Variants in ARHGEF11 observed in about 807,000 individuals in gnomAD.
The protein encoded by ARHGEF11 is Rho guanine exchange factor (GEF) 11.
ARHGEF11 carries 55 observed loss-of-function variants against 193.7 expected under a neutral mutation model. That is an observed-to-expected ratio of 0.28 (90% CI 0.23 to 0.36). The LOEUF is 0.36. Ranked by LOEUF, ARHGEF11 falls within the 10% of genes least tolerant of loss-of-function variation. ARHGEF11 has a pLI of 1.00. For missense variants in ARHGEF11, 1,723 were observed against 2,005.6 expected, an observed-to-expected ratio of 0.86 and a Z score of 2.69; for synonymous variants, 693 against 768.0, an observed-to-expected ratio of 0.90 and a Z score of 1.62.
chr1:156,955,799 TCTG>T lies in ARHGEF11; in HGVS notation c.1672-3_1672-1del. On this transcript the variant is annotated splice_acceptor_variant and splice_polypyrimidine_tract_variant and intron_variant, in intron 19 of 40. Coordinates refer to ENST00000368194, the MANE Select transcript of ARHGEF11 (RefSeq NM_198236.3). LOFTEE classifies it high-confidence loss of function. ...TCCTTTTCTTTCTTGGAATTGCTGC[TCTG>T]CTGAGACAGGAGACACTGGTGTTTG... is the stretch of plus-strand genomic sequence containing the variant. The T allele has an allele frequency of 6.2e-7, 1 of 1,613,530 alleles. No homozygotes were observed. The highest frequency in any genetic ancestry group is 8.5e-7 in the Non-Finnish European group (1 of 1,179,544).
Position 156,951,396 on chromosome 1 carries a change from C to T in ARHGEF11, c.1925+177G>A, listed in dbSNP as rs551692921. 3.3e-5 allele frequency among the ~76,000 whole-genome samples: 5 copies of T among 152,264 alleles called. No homozygotes were observed. The South Asian group carries it at 1.0e-3, about 32-fold the overall frequency. ...GGGATCTGCTTGCTCTTCCACTGGCCTGTTCACTGGCACACAATGTGTCTC... is the reference window on the plus strand; with the variant it reads ...GGGATCTGCTTGCTCTTCCACTGGCTTGTTCACTGGCACACAATGTGTCTC... On this transcript the variant is annotated intron_variant, in intron 22 of 40. Coordinates refer to ENST00000368194, the MANE Select transcript of ARHGEF11 (RefSeq NM_198236.3).
intron 1 of ARHGEF11, among the ~76,000 whole-genome samples, chr1:157,042,478 C>G (rs1244225081): frequency 6.6e-6 from 1 of 152,170 alleles, no homozygotes; most frequent in African/African-American, 2.4e-5. Context: ...AGTCCAGATT[C>G]TGCCACTAGC....
intron 11 of ARHGEF11, among the ~76,000 whole-genome samples, chr1:156,964,177 T>C (rs1406851467): frequency 6.6e-6 from 1 of 152,090 alleles, no homozygotes; most frequent in African/African-American, 2.4e-5. Context: ...CTCAAGAATC[T>C]GTGTTAGATC....
At chr1:156,984,617 T>C (rs760001436) in intron 2 of ARHGEF11, among the ~76,000 whole-genome samples, 180 bp from the exon 3 acceptor site, 4 of 152,212 alleles carry the variant, frequency 2.6e-5, no homozygotes, top group South Asian at 4.1e-4. Flanking sequence ...CCCTTGGTGG[T>C]TGGCAAAACC....
At chr1:157,017,471 G>A (rs891131242) in intron 1 of ARHGEF11, among the ~76,000 whole-genome samples, 2 of 152,148 alleles carry the variant, frequency 1.3e-5, no homozygotes, top group African/African-American at 2.4e-5. Context: ...CCTTTGGGAG[G>A]TCGAGGCAGG....
At position 156,988,797 on chromosome 1, in the gene ARHGEF11, C is replaced by CA. The variant is rs761589059; in HGVS notation, c.33-2625dup. Among the ~76,000 whole-genome samples the CA allele has an allele frequency of 1.8e-4, 28 of 151,856 alleles. No homozygotes were observed. The East Asian group carries it at 4.8e-3, about 26-fold the overall frequency. ...AACGTAAGTATACTTGCAACAGATGCAAAAAAAATTTTTTTTTCTGAGAGC... is the reference window on the plus strand; with the variant it reads ...AACGTAAGTATACTTGCAACAGATGCAAAAAAAAATTTTTTTTTCTGAGAGC... On this transcript the variant is annotated intron_variant, in intron 1 of 40. Transcript: ENST00000368194.
At position 156,940,381 on chromosome 1, in the gene ARHGEF11, G is replaced by A. The variant is rs1396008739; in HGVS notation, c.3559C>T (p.Leu1187=). 1.2e-6 allele frequency: 2 copies of A among 1,612,788 alleles called. No homozygotes were observed. The highest frequency in any genetic ancestry group is 2.7e-5 in the African/African-American group (2 of 74,930). ...QRVQGKHQVL[L]EDPEQEGSAE... ...CTGCCCTCCTGCTCAGGGTCCTCTA[G>A]CAGGACCTGGTGCTTCCCTTGGACC... The change falls in exon 36 of 41, where the codon CTA becomes TTA. Residue 1187 remains leucine (L), a synonymous_variant. Coordinates refer to ENST00000368194, the MANE Select transcript of ARHGEF11 (RefSeq NM_198236.3).
intron 7 of ARHGEF11, among the ~76,000 whole-genome samples, chr1:156,973,349 A>G (rs956586816): frequency 6.6e-6 from 1 of 152,190 alleles, no homozygotes; most frequent in Admixed American, 6.5e-5. Flanking sequence ...CTCTTTCAAA[A>G]ATCAAATGTA....
chr1:157,036,548 C>T (rs1672073756), intron 1 of ARHGEF11, among the ~76,000 whole-genome samples: 1 of 151,998 alleles, frequency 6.6e-6, no homozygotes, highest in Non-Finnish European at 1.5e-5. Flanking sequence ...TCTCAAACGC[C>T]TCACCTCAGG....
intron 37 of ARHGEF11, 146 bp from the exon 38 acceptor site, chr1:156,938,659 C>G (rs533011808): frequency 1.6e-6 from 1 of 641,936 alleles, no homozygotes; most frequent in Non-Finnish European, 2.7e-6. Context: ...AGATCATACA[C>G]GATGACATCC....
chr1:156,955,162 G>A (rs1371719495), intron 20 of ARHGEF11, among the ~76,000 whole-genome samples: 1 of 152,162 alleles, frequency 6.6e-6, no homozygotes, highest in East Asian at 1.9e-4. Flanking sequence ...CTGACTGGGA[G>A]GGGCCAGCAA....
rs143685637 is a variant in ARHGEF11 at position 156,977,049 on chromosome 1, G to C, written c.516C>G (p.Pro172=). The stretch of plus-strand genomic sequence containing the variant: ...TCTGGGTGGCATGTTTTTGAACTTC[G>C]GGATCCTAGACATGGAAAATATGGC... ...RITGPKPLQD[P]EVQKHATQIL... Residue 172 remains proline, a synonymous_variant, in exon 7 of 41, where the codon CCC becomes CCG. Coordinates refer to ENST00000368194, the MANE Select transcript of ARHGEF11 (RefSeq NM_198236.3). 3.5e-5 allele frequency: 57 copies of C among 1,613,670 alleles called. No homozygotes were observed. The highest frequency in any genetic ancestry group is 4.0e-5 in the Non-Finnish European group (47 of 1,179,766).
intron 17 of ARHGEF11, 53 bp from the exon 18 acceptor site, chr1:156,957,868 AC>A: frequency 6.3e-7 from 1 of 1,596,808 alleles, no homozygotes; most frequent in East Asian, 2.2e-5. Context: ...GAGGCTGGTC[AC>A]CTGGTTAGAG....
At chr1:157,030,760 T>C (rs1671206115) in intron 1 of ARHGEF11, among the ~76,000 whole-genome samples, 1 of 152,134 alleles carries the variant, frequency 6.6e-6, no homozygotes, top group South Asian at 2.1e-4. Flanking sequence ...TCCCTGAGCA[T>C]GCTTCCCTAT....
At chr1:156,985,803 T>C (rs1664833954) in intron 2 of ARHGEF11, 1 of 230,618 alleles carries the variant, frequency 4.3e-6, no homozygotes, top group African/African-American at 2.3e-5. Context: ...TGGTTATTCA[T>C]AGGTGTGATC....
At chr1:156,957,375 T>C (rs906067751) in intron 18 of ARHGEF11, among the ~76,000 whole-genome samples, 15 of 152,134 alleles carry the variant, frequency 9.9e-5, no homozygotes, top group Non-Finnish European at 1.2e-4. Flanking sequence ...AGAAAGGAAC[T>C]ATGCTGCACC....
At chr1:156,941,267 C>T (rs1217454874) in intron 35 of ARHGEF11, 105 bp downstream of exon 35, 10 of 1,044,498 alleles carry the variant, frequency 9.6e-6, no homozygotes, top group Non-Finnish European at 1.5e-5. Context: ...AAACCTCACA[C>T]CCCGGGCCCT....
chr1:156,941,047 C>G (rs1656765468), intron 35 of ARHGEF11, among the ~76,000 whole-genome samples: 1 of 152,190 alleles, frequency 6.6e-6, no homozygotes, highest in African/African-American at 2.4e-5. Flanking sequence ...TATCTCCCTC[C>G]CCAACAGTAA....
intron 8 of ARHGEF11, among the ~76,000 whole-genome samples, chr1:156,971,183 T>C (rs1028417359): frequency 2.6e-4 from 39 of 152,364 alleles, no homozygotes; most frequent in African/African-American, 9.1e-4. Context: ...TCATCTACTC[T>C]CTGGAGTTTT....
Sources: gnomAD v4.1 joint callset for allele counts (sites outside exome capture counted in the v4.1 genomes callset) on GRCh38, gnomAD v4.1.1 for gene constraint, MANE v1.5 for transcripts, NCBI Gene and HGNC (gene_info 2026-07-23, HGNC 2026-07-21) for gene names.